Variants in ATG16L1 observed in about 807,000 individuals in gnomAD.
ATG16L1 encodes the protein autophagy related 16 like 1.
Under a neutral mutation model 88.5 loss-of-function variants are expected in ATG16L1, and 37 were observed. The ratio of observed to expected loss-of-function variants is 0.42; its 90% CI spans 0.32 to 0.55. The LOEUF (loss-of-function observed/expected upper bound fraction) is 0.55. ATG16L1 is among the 20% of genes least tolerant of loss of function. ATG16L1 has a pLI of 0.13. For missense variants in ATG16L1, 554 were observed against 752.8 expected (o/e 0.74, Z 3.09); for synonymous variants, 301 against 281.0 (o/e 1.07, Z -0.71).
At chr2:233,277,546 A>C (rs1233252405) in intron 9 of ATG16L1, 22 bp from the exon 10 acceptor site, 2 of 1,609,478 alleles carry the variant, frequency 1.2e-6, no homozygotes, top group Non-Finnish European at 1.7e-6. Flanking sequence ...ACTGGGTTTG[A>C]CACAGGGTGC....
intron 6 of ATG16L1, among the ~76,000 whole-genome samples, chr2:233,272,376 A>G (rs1184516817): frequency 6.6e-6 from 1 of 152,190 alleles, no homozygotes; most frequent in African/African-American, 2.4e-5. Context: ...TAAAATGCGC[A>G]GAGTCAAAAA....
intron 10 of ATG16L1, among the ~76,000 whole-genome samples, chr2:233,279,448 C>T (rs929937541): frequency 6.6e-6 from 1 of 152,162 alleles, no homozygotes; most frequent in Admixed American, 6.5e-5. Context: ...CAAGTTTCTA[C>T]CTAATCTACA....
intron 8 of ATG16L1, 38 bp from the exon 9 acceptor site, chr2:233,274,638 C>T (rs745307077): frequency 2.6e-6 from 4 of 1,521,462 alleles, no homozygotes; most frequent in Non-Finnish European, 3.6e-6. Context: ...TAAACCTCTG[C>T]AATCCTGTCT....
chr2:233,278,275 C>T (rs1698505817), intron 10 of ATG16L1, among the ~76,000 whole-genome samples: 1 of 152,182 alleles, frequency 6.6e-6, no homozygotes, highest in Admixed American at 6.5e-5. Flanking sequence ...GTTAATGAAA[C>T]CATCTCTTAG....
At chr2:233,262,217 C>G (rs1697262289) in intron 2 of ATG16L1, among the ~76,000 whole-genome samples, 1 of 152,188 alleles carries the variant, frequency 6.6e-6, no homozygotes, top group Admixed American at 6.5e-5. Flanking sequence ...TGGAATGGAT[C>G]TAGAATCAGA....
At chr2:233,267,873 T>A (rs938288620) in intron 5 of ATG16L1, among the ~76,000 whole-genome samples, 1 of 152,200 alleles carries the variant, frequency 6.6e-6, no homozygotes, top group African/African-American at 2.4e-5. Flanking sequence ...GCCCACCCTT[T>A]GAAGCATCTT....
At chr2:233,277,274 CATT>C in intron 9 of ATG16L1, 1 of 239,372 alleles carries the variant, frequency 4.2e-6, no homozygotes, top group South Asian at 6.6e-5. Flanking sequence ...AAATATAGGC[CATT>C]ATTGTTAGAA....
chr2:233,270,661 C>T (rs1374806315), intron 6 of ATG16L1, among the ~76,000 whole-genome samples: 1 of 152,166 alleles, frequency 6.6e-6, no homozygotes, highest in Non-Finnish European at 1.5e-5. Flanking sequence ...TCCCTCCTTG[C>T]TCCCTTTGGT....
rs1188947580 is a variant in ATG16L1, at chr2:233,294,266, C to T, written c.1740C>T (p.Ile580=). The stretch of plus-strand genomic sequence containing the variant: ...GATCTCTCCTTTGAAGCTCATCCAT[C>T]AATGCGGTGGCGTGGTCGCCCTCTG... The part of the protein sequence containing the change: ...KVLSKQHSSS[I]NAVAWSPSGS... The change falls in exon 18 of 18, where the codon ATC becomes ATT. Residue 580 remains isoleucine, a synonymous_variant. Transcript: ENST00000392017. 7 of 1,602,886 alleles carry T rather than the reference C, an allele frequency of 4.4e-6. No individual in the cohort carries two copies. Among genetic ancestry groups the T allele is most frequent in the Non-Finnish European group, 6.0e-6 (7 of 1,175,288 alleles).
At chr2:233,267,964 T>G (rs1229037184) in intron 5 of ATG16L1, among the ~76,000 whole-genome samples, 1 of 152,162 alleles carries the variant, frequency 6.6e-6, no homozygotes, top group Non-Finnish European at 1.5e-5. Flanking sequence ...TTAGGTAGCC[T>G]CTCCTCCTAG....
At chr2:233,257,440 A>G (rs1272459997) in intron 2 of ATG16L1, among the ~76,000 whole-genome samples, 1 of 152,230 alleles carries the variant, frequency 6.6e-6, no homozygotes, top group East Asian at 1.9e-4. Context: ...TTTAGTATTC[A>G]ATAAATTGCA....
rs552339449 is a variant in ATG16L1, at chr2:233,252,387, GA to G, written c.115+448del. 3.0e-4 allele frequency among the ~76,000 whole-genome samples: 46 copies of G among 151,330 alleles called. 1 individual carries two copies. In the South Asian group the frequency reaches 9.6e-3, roughly 32 times the overall value. On this transcript the variant is annotated intron_variant, in intron 1 of 17. Transcript: ENST00000392017. ...CCACCTTGGTGGTTTTTTTTGCGGG[GA>G]AACGGGATAGGGGATCAGGGTCTTG...
Position 233,273,049 on chromosome 2 carries a change from C to G in ATG16L1, c.791C>G (p.Ala264Gly). 6.2e-7 allele frequency: 1 copy of G among 1,613,792 alleles called. No homozygotes were observed. Among genetic ancestry groups the G allele is most frequent in the East Asian group, 2.2e-5 (1 of 44,874 alleles). The change falls in exon 7 of 18, where the codon GCC becomes GGC. Residue 264 changes from alanine to glycine, a missense_variant. Ala to Gly is a moderately conservative substitution (Grantham distance 60, BLOSUM62 0). This residue lies in a region of ATG16L1 where 370 missense variants were observed against 509.7 expected (regional missense o/e 0.73). Transcript: ENST00000392017. The part of the protein sequence containing the change: ...TSPVRAISRA[A>G]TKRLSQPAGG... The stretch of plus-strand genomic sequence containing the variant: ...CCTGTGCGAGCCATCAGCAGAGCAG[C>G]CACGTAAGTAGGCAGGTTTGGGCCA...
intron 6 of ATG16L1, 92 bp downstream of exon 6, chr2:233,270,159 T>A: frequency 7.9e-7 from 1 of 1,262,402 alleles, no homozygotes; most frequent in Non-Finnish European, 1.1e-6. Context: ...TTGGTTTTTT[T>A]TGAGACAGGG....
intron 5 of ATG16L1, among the ~76,000 whole-genome samples, chr2:233,267,355 A>G (rs1248675171): frequency 6.6e-6 from 1 of 152,234 alleles, no homozygotes; most frequent in Admixed American, 6.5e-5. Context: ...CCTCAAAAGC[A>G]AAACGAAAAG....
chr2:233,290,377 G>A (rs1342681485), intron 14 of ATG16L1, 24 bp downstream of exon 14: 1 of 1,571,956 alleles, frequency 6.4e-7, no homozygotes. Flanking sequence ...GCTCCTGACT[G>A]GAGGCACATA....
intron 12 of ATG16L1, among the ~76,000 whole-genome samples, chr2:233,284,817 A>G (rs1006555647): frequency 7.2e-5 from 11 of 152,198 alleles, no homozygotes; most frequent in African/African-American, 2.4e-4. Flanking sequence ...GCTGTAGTAG[A>G]ATGGTATATT....
intron 1 of ATG16L1, among the ~76,000 whole-genome samples, chr2:233,252,393 G>A (rs977148482): frequency 6.6e-6 from 1 of 151,740 alleles, no homozygotes; most frequent in Non-Finnish European, 1.5e-5. Flanking sequence ...CGGGGAAACG[G>A]GATAGGGGAT....
At chr2:233,266,304 A>G (rs987950417) in intron 5 of ATG16L1, 2 of 152,250 alleles carry the variant, frequency 1.3e-5, no homozygotes, top group Non-Finnish European at 2.9e-5. Context: ...ACAAAAAACA[A>G]AAACAAAAGC....
Sources: gnomAD v4.1 joint callset for allele counts (sites outside exome capture counted in the v4.1 genomes callset) on GRCh38, gnomAD v4.1.1 for gene constraint, gnomAD v4.1.1 regional missense constraint, MANE v1.5 for transcripts, NCBI Gene and HGNC (gene_info 2026-07-23, HGNC 2026-07-21) for gene names.